ELOB: variants seen among roughly 807,000 people sequenced by gnomAD.
ELOB encodes elongin B, also known as elongin-B.
In ELOB, 3 loss-of-function variants were observed where a neutral mutation model predicts 12.9. That is an observed-to-expected ratio of 0.23 (90% CI 0.11 to 0.60). The LOEUF is 0.60. Ranked by LOEUF, ELOB falls within the 20% of genes least tolerant of loss-of-function variation. The pLI is 0.89. For synonymous variants in ELOB, 84 were observed against 67.4 expected, an observed-to-expected ratio of 1.25 and a Z score of -1.21; for missense variants, 126 against 159.2, an observed-to-expected ratio of 0.79 and a Z score of 1.12.
intron 3 of ELOB, chr16:2,772,685 G>C (rs1277618583): frequency 6.6e-6 from 1 of 151,530 alleles, no homozygotes; most frequent in African/African-American, 2.4e-5. Context: ...CTCCAACCTG[G>C]GCGACACAGA....
intron 3 of ELOB, 76 bp from the exon 4 acceptor site, chr16:2,772,178 A>C: frequency 1.4e-6 from 2 of 1,453,386 alleles, no homozygotes; most frequent in Non-Finnish European, 1.8e-6. Flanking sequence ...TTCACGTGTG[A>C]TCATCTGCAG....
At chr16:2,774,473 G>A (rs2068787692) in intron 3 of ELOB, among the ~76,000 whole-genome samples, 1 of 152,236 alleles carries the variant, frequency 6.6e-6, no homozygotes, top group Admixed American at 6.5e-5. Context: ...GGGCCAGGAG[G>A]GGCAGGAGGG....
rs2068758685 is a variant in ELOB, at chr16:2,771,914, G to A, written c.*76C>T. On this transcript the variant is annotated 3_prime_UTR_variant, in exon 4 of 4. Coordinates refer to ENST00000409906, the MANE Select transcript of ELOB (RefSeq NM_007108.4). Reference sequence around the variant, plus strand: ...AGGGAGTGGGACCCATCCCAGGGAGGGGCGGGAAAAAGAGGCAGCAACCAG... The same window carrying A: ...AGGGAGTGGGACCCATCCCAGGGAGAGGCGGGAAAAAGAGGCAGCAACCAG... 1.3e-6 allele frequency: 2 copies of A among 1,535,378 alleles called. No homozygotes were observed. Among genetic ancestry groups the A allele is most frequent in the Non-Finnish European group, 8.8e-7 (1 of 1,139,936 alleles).
chr16:2,772,719 A>C (rs2068770943), intron 3 of ELOB, among the ~76,000 whole-genome samples: 1 of 151,412 alleles, frequency 6.6e-6, no homozygotes, highest in Non-Finnish European at 1.5e-5. Flanking sequence ...AAAAAAAATC[A>C]AACTAGACTA....
intron 2 of ELOB, 70 bp from the exon 3 acceptor site, chr16:2,775,626 C>A: frequency 7.8e-7 from 1 of 1,288,724 alleles, no homozygotes; most frequent in Non-Finnish European, 1.1e-6. Context: ...TGACCAGCAA[C>A]TACACGGGAA....
intron 3 of ELOB, among the ~76,000 whole-genome samples, chr16:2,772,828 A>T (rs2068772815): frequency 7.1e-6 from 1 of 141,358 alleles, no homozygotes; most frequent in Non-Finnish European, 1.5e-5. Flanking sequence ...TCTGCTTCCC[A>T]CGCTCTGAGG....
At position 2,771,492 on chromosome 16, in the gene ELOB, G is replaced by C; in HGVS notation, c.*498C>G. Reference sequence around the variant, plus strand: ...CGTGATTACAGCCCCCAGCGTGGGTGGACCTGTGTGGGTCCGTCTTGGGGT... The same window carrying C: ...CGTGATTACAGCCCCCAGCGTGGGTCGACCTGTGTGGGTCCGTCTTGGGGT... On this transcript the variant is annotated 3_prime_UTR_variant, in exon 4 of 4. Coordinates refer to ENST00000409906, the MANE Select transcript of ELOB (RefSeq NM_007108.4). The C allele has an allele frequency of 6.2e-7, 1 of 1,614,242 alleles. No homozygotes were observed. The highest frequency in any genetic ancestry group is 1.1e-5 in the South Asian group (1 of 91,086).
rs768417225 is a variant in ELOB at position 2,775,404 on chromosome 16, C to T, written c.244+47G>A. The T allele has an allele frequency of 4.9e-6, 7 of 1,439,486 alleles. No individual in the cohort carries two copies. In the South Asian group the frequency reaches 8.7e-5, roughly 18 times the overall value. The allele number at this position is 1,439,486 out of a possible 1,614,324, so 89.2% of individuals were successfully genotyped here. A position where few individuals can be genotyped will look rare whatever the true frequency, so the allele number is the denominator to read the frequency against. ...ATGACCTTCTTTGGAACAGTGTTCCCAACCTGCTTGGCTACCACCCAGCCC... is the reference window on the plus strand; with the variant it reads ...ATGACCTTCTTTGGAACAGTGTTCCTAACCTGCTTGGCTACCACCCAGCCC... On this transcript the variant is annotated intron_variant, in intron 3 of 3. Transcript: ENST00000409906.
chr16:2,771,878 AAGGAGCCCAC>A lies in ELOB; in HGVS notation c.*102_*111del. The A allele has an allele frequency of 6.8e-7, 1 of 1,474,262 alleles. No homozygotes were observed. 91.3% of individuals were successfully genotyped at this position (1,474,262 alleles called of 1,614,324 possible). ...AGGAACTGCCAAGCACAAGCCCCAA[AAGGAGCCCAC>A]AGGGAGTGGGACCCATCCCAGGGAG... On this transcript the variant is annotated 3_prime_UTR_variant, in exon 4 of 4. Coordinates refer to ENST00000409906, the MANE Select transcript of ELOB (RefSeq NM_007108.4).
intron 3 of ELOB, among the ~76,000 whole-genome samples, chr16:2,773,368 G>C (rs1423938305): frequency 6.6e-6 from 1 of 152,164 alleles, no homozygotes; most frequent in African/African-American, 2.4e-5. Context: ...ACTGTGCCGA[G>C]GTTCAGAAAC....
intron 2 of ELOB, 23 bp from the exon 3 acceptor site, chr16:2,775,579 G>T: frequency 6.3e-7 from 1 of 1,596,614 alleles, no homozygotes; most frequent in Non-Finnish European, 8.5e-7. Flanking sequence ...GCAGGATCTT[G>T]GGAGAGGCCC....
intron 3 of ELOB, among the ~76,000 whole-genome samples, chr16:2,773,470 CA>C (rs1287535068): frequency 1.3e-5 from 2 of 152,172 alleles, no homozygotes; most frequent in Non-Finnish European, 1.5e-5. Flanking sequence ...TGCCCTTTAA[CA>C]TTTGATTTGA....
At chr16:2,772,716 A>G (rs1365149268) in intron 3 of ELOB, among the ~76,000 whole-genome samples, 1 of 151,662 alleles carries the variant, frequency 6.6e-6, no homozygotes, top group East Asian at 1.9e-4. Context: ...AAAAAAAAAA[A>G]TCAAACTAGA....
At chr16:2,773,524 G>T (rs1263945863) in intron 3 of ELOB, among the ~76,000 whole-genome samples, 1 of 152,104 alleles carries the variant, frequency 6.6e-6, no homozygotes, top group Admixed American at 6.5e-5. Context: ...GAGGGGAGAG[G>T]CGGAGGGTGG....
chr16:2,772,087 G>A lies in ELOB; in HGVS notation c.260C>T (p.Ala87Val). ...LAFRADDTFE[A>V]LCIEPFSSPP... is the part of the protein sequence containing the mutation. Reference sequence around the variant, plus strand: ...GCTGGAAAACGGCTCGATGCACAGGGCCTCAAAGGTGTCATCTGTGGAGGA... The same window carrying A: ...GCTGGAAAACGGCTCGATGCACAGGACCTCAAAGGTGTCATCTGTGGAGGA... Residue 87 changes from alanine (A) to valine (V), a missense_variant, in exon 4 of 4, where the codon GCC (alanine) becomes GTC (valine). Physicochemically the swap from Ala to Val is moderately conservative, Grantham distance 64 (BLOSUM62 0). Coordinates refer to ENST00000409906, the MANE Select transcript of ELOB (RefSeq NM_007108.4). 1 of 1,610,078 alleles carries A rather than the reference G, an allele frequency of 6.2e-7. No individual in the cohort carries two copies. The highest frequency in any genetic ancestry group is 8.5e-7 in the Non-Finnish European group (1 of 1,177,786).
rs774664511 is a variant in ELOB at position 2,771,949 on chromosome 16, C to G, written c.*41G>C. 10 of 1,591,820 alleles carry G rather than the reference C, an allele frequency of 6.3e-6. No homozygotes were observed. The highest frequency in any genetic ancestry group is 6.0e-6 in the Non-Finnish European group (7 of 1,170,728). On this transcript the variant is annotated 3_prime_UTR_variant, in exon 4 of 4. Coordinates refer to ENST00000409906, the MANE Select transcript of ELOB (RefSeq NM_007108.4). ...AAGAGGCAGCAACCAGGCAGACTCCCAAATCTCTTTTATTGGGGGAAATGG... is the reference window on the plus strand; with the variant it reads ...AAGAGGCAGCAACCAGGCAGACTCCGAAATCTCTTTTATTGGGGGAAATGG...
intron 3 of ELOB, among the ~76,000 whole-genome samples, chr16:2,773,644 G>A (rs1350800498): frequency 2.6e-5 from 4 of 152,168 alleles, no homozygotes; most frequent in African/African-American, 7.2e-5. Context: ...CCCATGCTGT[G>A]CCCCCTATCA....
chr16:2,771,573 T>G lies in ELOB; in HGVS notation c.*417A>C. ...CACTGGCTCCAGCTTGTGTTTCTGC[T>G]CTTGGCCATCGTCTGGGAGTGGACA... On this transcript the variant is annotated 3_prime_UTR_variant, in exon 4 of 4. Transcript: ENST00000409906. The G allele has an allele frequency of 6.2e-7, 1 of 1,614,060 alleles. No homozygotes were observed. The highest frequency in any genetic ancestry group is 2.2e-5 in the East Asian group (1 of 44,866).
At chr16:2,772,172 C>G in intron 3 of ELOB, 70 bp from the exon 4 acceptor site, 1 of 1,479,420 alleles carries the variant, frequency 6.8e-7, no homozygotes, top group Non-Finnish European at 9.0e-7. Context: ...TTGGTGTTCA[C>G]GTGTGATCAT....
Sources: allele counts gnomAD v4.1 joint callset (sites outside exome capture counted in the v4.1 genomes callset), GRCh38; gene constraint gnomAD v4.1.1; transcripts MANE v1.5; gene names NCBI Gene and HGNC (gene_info 2026-07-23, HGNC 2026-07-21).